Variants in CADPS2 observed in about 807,000 individuals in gnomAD.
The protein encoded by CADPS2 is calcium dependent secretion activator 2.
A neutral mutation model predicts 172.5 loss-of-function variants in CADPS2; 93 were observed. The ratio of observed to expected loss-of-function variants is 0.54; its 90% CI spans 0.46 to 0.64. The LOEUF is 0.64. CADPS2 is among the 30% of genes least tolerant of loss of function. The pLI is 0.00. For missense variants in CADPS2, 1,420 were observed against 1,565.9 expected, an observed-to-expected ratio of 0.91 and a Z score of 1.57; for synonymous variants, 546 against 555.2, an observed-to-expected ratio of 0.98 and a Z score of 0.23.
chr7:122,809,251 T>G (rs1389385974), intron 1 of CADPS2, among the ~76,000 whole-genome samples: 1 of 152,116 alleles, frequency 6.6e-6, no homozygotes, highest in East Asian at 1.9e-4. Flanking sequence ...TGTGATATGG[T>G]ATCTCTTTAA....
At chr7:122,459,468 G>C (rs1159361112) in intron 14 of CADPS2, among the ~76,000 whole-genome samples, 1 of 152,066 alleles carries the variant, frequency 6.6e-6, no homozygotes, top group Non-Finnish European at 1.5e-5. Context: ...GCACTTATCA[G>C]CTTACACTCT....
chr7:122,645,345 ATG>A (rs1328317425), intron 3 of CADPS2, among the ~76,000 whole-genome samples: 1,989 of 74,610 alleles, frequency 0.027, 127 homozygotes, highest in African/African-American at 0.055. Context: ...ACACATGTAC[ATG>A]TGTGTGTATA....
chr7:122,727,831 C>T (rs575676370), intron 2 of CADPS2, among the ~76,000 whole-genome samples: 343 of 151,930 alleles, frequency 2.3e-3, no homozygotes, highest in Middle Eastern at 6.8e-3. Flanking sequence ...ATTTAAAATG[C>T]CATCCTTAGA....
chr7:122,815,650 G>A (rs1388759399), intron 1 of CADPS2, among the ~76,000 whole-genome samples: 1 of 151,942 alleles, frequency 6.6e-6, no homozygotes, highest in Admixed American at 6.6e-5. Context: ...GCAGCGAAAC[G>A]TTAGACATCG....
chr7:122,338,672 C>T (rs1437682004), intron 28 of CADPS2, among the ~76,000 whole-genome samples: 2 of 152,144 alleles, frequency 1.3e-5, no homozygotes, highest in East Asian at 3.9e-4. Context: ...TTGTGAAGAC[C>T]ATATAACAAC....
chr7:122,862,215 T>C (rs1196614143), intron 1 of CADPS2, among the ~76,000 whole-genome samples: 5 of 152,218 alleles, frequency 3.3e-5, no homozygotes, highest in Non-Finnish European at 7.3e-5. Flanking sequence ...GAATAGTGAT[T>C]CTCAAACTAA....
Position 122,367,547 on chromosome 7 carries a change from T to TTTTA in CADPS2, c.3388-6535_3388-6534insTAAA, listed in dbSNP as rs1279677551. Among the ~76,000 whole-genome samples, 3 of 113,428 alleles carry TTTTA rather than the reference T, an allele frequency of 2.6e-5. No homozygotes were observed. The East Asian group carries it at 6.3e-4, about 24-fold the overall frequency. The allele number at this position is 113,428 out of a possible 152,430, so 74.4% of individuals were successfully genotyped here. ...TTCTAAACCTTCCCCCAGTTTTTTT[T>TTTTA]TTTTTTTTTTTTTTTTTAAGACAGT... On this transcript the variant is annotated intron_variant, in intron 25 of 29. Transcript: ENST00000449022.
At chr7:122,819,019 C>T (rs189690659) in intron 1 of CADPS2, among the ~76,000 whole-genome samples, 25 of 152,284 alleles carry the variant, frequency 1.6e-4, no homozygotes, top group Non-Finnish European at 3.4e-4. Flanking sequence ...AACCCCACAA[C>T]AGGATTTAAT....
intron 1 of CADPS2, among the ~76,000 whole-genome samples, chr7:122,820,544 TTTTTG>T (rs1802869742): frequency 7.7e-6 from 1 of 130,240 alleles, no homozygotes; most frequent in Non-Finnish European, 1.6e-5. Context: ...ACCTTACTGT[TTTTTG>T]TTTTTTGTTT....
intron 2 of CADPS2, chr7:122,702,740 A>C (rs368118247): frequency 1.2e-6 from 2 of 1,600,754 alleles, no homozygotes; most frequent in African/African-American, 2.7e-5. Flanking sequence ...GGTAATTCTA[A>C]GGAAGCTCAT....
chr7:122,673,231 G>A (rs1295943521), intron 2 of CADPS2, among the ~76,000 whole-genome samples: 1 of 152,210 alleles, frequency 6.6e-6, no homozygotes, highest in Non-Finnish European at 1.5e-5. Context: ...CCACAGCGGG[G>A]AATGGGACCC....
At chr7:122,621,863 A>G (rs2134003281) in intron 4 of CADPS2, 146 bp from the exon 5 acceptor site, 2 of 590,494 alleles carry the variant, frequency 3.4e-6, no homozygotes, top group East Asian at 5.7e-5. Flanking sequence ...AGGCTGTAAA[A>G]TCCTCAGGCT....
chr7:122,649,783 T>C (rs564396796), intron 3 of CADPS2, among the ~76,000 whole-genome samples: 62 of 152,250 alleles, frequency 4.1e-4, no homozygotes, highest in African/African-American at 1.4e-3. Context: ...TATACAATTT[T>C]ATACATCTGT....
intron 28 of CADPS2, among the ~76,000 whole-genome samples, chr7:122,342,831 T>A (rs2036988105): frequency 1.3e-5 from 2 of 152,202 alleles, no homozygotes; most frequent in African/African-American, 4.8e-5. Context: ...TAGCAAAAGT[T>A]CGTCATGATG....
At chr7:122,596,375 C>T (rs1166301049) in intron 6 of CADPS2, among the ~76,000 whole-genome samples, 1 of 152,062 alleles carries the variant, frequency 6.6e-6, no homozygotes, top group Non-Finnish European at 1.5e-5. Context: ...TAAATAATGA[C>T]ACTTTGTGTT....
intron 9 of CADPS2, 110 bp from the exon 10 acceptor site, chr7:122,491,530 G>C: frequency 1.8e-6 from 1 of 561,690 alleles, no homozygotes; most frequent in Non-Finnish European, 3.1e-6. Flanking sequence ...AACATAATTT[G>C]CACATAAATT....
At chr7:122,598,316 A>G (rs924587432) in intron 6 of CADPS2, among the ~76,000 whole-genome samples, 1 of 147,678 alleles carries the variant, frequency 6.8e-6, no homozygotes, top group African/African-American at 2.7e-5. Context: ...TTTTTAAATG[A>G]GAGTATTATA....
chr7:122,787,018 G>A (rs760430116), intron 1 of CADPS2, among the ~76,000 whole-genome samples: 2 of 152,054 alleles, frequency 1.3e-5, no homozygotes, highest in African/African-American at 2.4e-5. Context: ...TTTAAGAAAC[G>A]AACCTTGTAA....
chr7:122,633,207 T>C (rs2471207), intron 3 of CADPS2, among the ~76,000 whole-genome samples: 78,731 of 152,000 alleles, frequency 0.52, 20,661 homozygotes, highest in East Asian at 0.72. Flanking sequence ...AATTTTAGAA[T>C]AGATTTTTCT....
Sources: gnomAD v4.1 joint callset for allele counts (sites outside exome capture counted in the v4.1 genomes callset) on GRCh38, gnomAD v4.1.1 for gene constraint, MANE v1.5 for transcripts, NCBI Gene and HGNC (gene_info 2026-07-23, HGNC 2026-07-21) for gene names.